Variants in EDRF1 observed in about 807,000 individuals in gnomAD.
EDRF1 encodes the protein erythroid differentiation regulatory factor 1, also known as erythroid differentiation-related factor 1.
Under a neutral mutation model 148.7 loss-of-function variants are expected in EDRF1, and 69 were observed. The observed-to-expected ratio is 0.46, with a 90% CI of 0.38 to 0.57. EDRF1 has a LOEUF of 0.57. Among genes scored for constraint, EDRF1 ranks in the 20% least tolerant of loss-of-function variants. EDRF1 has a pLI of 0.00. For missense variants in EDRF1, 1,118 were observed against 1,478.7 expected (o/e 0.76, Z 4.00); for synonymous variants, 515 against 532.8 (o/e 0.97, Z 0.46).
chr10:125,757,607 T>C (rs1483915110), intron 24 of EDRF1, among the ~76,000 whole-genome samples: 2 of 152,252 alleles, frequency 1.3e-5, no homozygotes, highest in African/African-American at 4.8e-5. Flanking sequence ...TTTTAGCATT[T>C]AGCATTTGTA....
intron 17 of EDRF1, chr10:125,742,501 C>G (rs1402231611): frequency 2.0e-6 from 2 of 985,246 alleles, no homozygotes; most frequent in Admixed American, 1.2e-4. Context: ...AATAGTTTTG[C>G]CCTTTCTTCC....
chr10:125,738,814 C>G (rs998646036), intron 15 of EDRF1, among the ~76,000 whole-genome samples: 2 of 152,110 alleles, frequency 1.3e-5, no homozygotes, highest in Non-Finnish European at 2.9e-5. Flanking sequence ...CACTTTTTAT[C>G]TCTTTCAAAA....
intron 21 of EDRF1, chr10:125,748,489 C>T (rs749828955): frequency 3.7e-5 from 7 of 191,060 alleles, no homozygotes; most frequent in Admixed American, 1.6e-4. Flanking sequence ...AATCTGAGGC[C>T]GAGGATAAAG....
chr10:125,734,741 A>G (rs1355077990), intron 12 of EDRF1, among the ~76,000 whole-genome samples: 2 of 152,170 alleles, frequency 1.3e-5, no homozygotes, highest in Non-Finnish European at 2.9e-5. Context: ...AGCATCTCTT[A>G]AAATATTCCC....
chr10:125,725,548 G>C lies in EDRF1; in HGVS notation c.635+106G>C. The C allele has an allele frequency of 1.9e-6, 3 of 1,564,852 alleles. No individual in the cohort carries two copies. In the South Asian group the frequency reaches 3.4e-5, roughly 18 times the overall value. On this transcript the variant is annotated intron_variant, in intron 5 of 24. Transcript: ENST00000356792. The stretch of plus-strand genomic sequence containing the variant: ...ATTTAAGTTTTGCCCCTGTGATACT[G>C]TTAACATTTGTTTCATATTTCTTTT...
intron 9 of EDRF1, among the ~76,000 whole-genome samples, chr10:125,730,637 T>C (rs1303673004): frequency 3.3e-5 from 5 of 152,250 alleles, no homozygotes; most frequent in Non-Finnish European, 7.3e-5. Context: ...CCTGCATTTG[T>C]AGCCATAGAA....
In EDRF1 at chr10:125,730,418, T is replaced by C; in HGVS notation, c.1128+19T>C. On this transcript the variant is annotated intron_variant, in intron 9 of 24. Coordinates refer to ENST00000356792, the MANE Select transcript of EDRF1 (RefSeq NM_001202438.2). Reference sequence around the variant, plus strand: ...TGTACAGGTAAGATACAGTGTGATTTTTCTGATCTCTCAAATGCAAATTGG... The same window carrying C: ...TGTACAGGTAAGATACAGTGTGATTCTTCTGATCTCTCAAATGCAAATTGG... 1 of 1,590,230 alleles carries C rather than the reference T, an allele frequency of 6.3e-7. No homozygotes were observed. The highest frequency in any genetic ancestry group is 8.6e-7 in the Non-Finnish European group (1 of 1,158,328).
intron 14 of EDRF1, 92 bp from the exon 15 acceptor site, chr10:125,738,203 A>G: frequency 6.6e-7 from 1 of 1,520,608 alleles, no homozygotes; most frequent in Non-Finnish European, 9.1e-7. Context: ...AAATTTTCCT[A>G]AACGTATTCA....
At chr10:125,754,535 C>A (rs1394629376) in intron 24 of EDRF1, among the ~76,000 whole-genome samples, 2 of 152,164 alleles carry the variant, frequency 1.3e-5, no homozygotes, top group African/African-American at 2.4e-5. Flanking sequence ...AAGTGCACTG[C>A]AGAATAGAGG....
In EDRF1 at chr10:125,747,344, A is replaced by G. The variant is rs549607965; in HGVS notation, c.2815-192A>G. 2.1e-5 allele frequency: 14 copies of G among 669,476 alleles called. No individual in the cohort carries two copies. In the East Asian group the frequency reaches 4.0e-4, roughly 19 times the overall value. 41.5% of individuals were successfully genotyped at this position (669,476 alleles called of 1,614,324 possible). On this transcript the variant is annotated intron_variant, in intron 19 of 24. Coordinates refer to ENST00000356792, the MANE Select transcript of EDRF1 (RefSeq NM_001202438.2). Reference sequence around the variant, plus strand: ...GGGAACACAGAGTGGTCTTCAGTCTACTCGGAATAACTTTCTTCATTGAAA... The same window carrying G: ...GGGAACACAGAGTGGTCTTCAGTCTGCTCGGAATAACTTTCTTCATTGAAA...
chr10:125,743,339 A>T, intron 18 of EDRF1, 63 bp downstream of exon 18: 3 of 1,404,814 alleles, frequency 2.1e-6, no homozygotes, highest in Non-Finnish European at 3.0e-6. Context: ...CTAATTTTGT[A>T]TGAGTCAAGC....
chr10:125,726,678 T>C (rs1396633983), intron 6 of EDRF1, among the ~76,000 whole-genome samples: 3 of 152,206 alleles, frequency 2.0e-5, no homozygotes, highest in Non-Finnish European at 4.4e-5. Flanking sequence ...TAACTCGATT[T>C]TAGTTTCAGT....
At chr10:125,757,891 G>T (rs974613628) in intron 24 of EDRF1, among the ~76,000 whole-genome samples, 1 of 152,166 alleles carries the variant, frequency 6.6e-6, no homozygotes. Context: ...TGAGTGTGTC[G>T]TGATGGCTTT....
intron 18 of EDRF1, among the ~76,000 whole-genome samples, chr10:125,744,547 G>A (rs916150929): frequency 2.6e-5 from 4 of 152,306 alleles, no homozygotes; most frequent in South Asian, 4.1e-4. Flanking sequence ...CCCTCAAAGA[G>A]TTCATTGCTA....
rs146133784 is a variant in EDRF1 at position 125,748,228 on chromosome 10, C to T, written c.3123+216C>T. On this transcript the variant is annotated intron_variant, in intron 21 of 24. Coordinates refer to ENST00000356792, the MANE Select transcript of EDRF1 (RefSeq NM_001202438.2). ...CATGTTGAGCATGGGAAAACGAATC[C>T]GCTGTTGGTGTTCTGTGGCTTACTG... 7.3e-4 allele frequency: 448 copies of T among 615,112 alleles called. 2 individuals are homozygous for T. In the East Asian group the frequency reaches 9.1e-3, roughly 12 times the overall value. The allele number at this position is 615,112 out of a possible 1,614,324, so 38.1% of individuals were successfully genotyped here.
At chr10:125,737,668 T>C (rs892529990) in intron 13 of EDRF1, among the ~76,000 whole-genome samples, 13 of 152,222 alleles carry the variant, frequency 8.5e-5, no homozygotes, top group Non-Finnish European at 1.9e-4. Flanking sequence ...TCGGTGCTAA[T>C]TATGAGTGGA....
In EDRF1 at chr10:125,759,446, C is replaced by T. The variant is rs538517440; in HGVS notation, c.3546-3855C>T. On this transcript the variant is annotated intron_variant, in intron 24 of 24. Coordinates refer to ENST00000356792, the MANE Select transcript of EDRF1 (RefSeq NM_001202438.2). ...GCCAGAGACTTTTTCCGGTTCTGCA[C>T]CATGAATAGAAACTTCTTTCAATAA... 4.6e-4 allele frequency among the ~76,000 whole-genome samples: 70 copies of T among 152,146 alleles called. 1 individual carries two copies. Among genetic ancestry groups the T allele is most frequent in the African/African-American group, 1.7e-3 (69 of 41,518 alleles).
At chr10:125,726,428 A>G (rs917970803) in intron 6 of EDRF1, among the ~76,000 whole-genome samples, 3 of 152,182 alleles carry the variant, frequency 2.0e-5, no homozygotes, top group African/African-American at 7.2e-5. Context: ...TATCTCTTAC[A>G]TCCTTGTTTC....
Position 125,719,834 on chromosome 10 carries a change from CG to C in EDRF1, c.28del (p.Glu10ArgfsTer38). 1 of 1,611,994 alleles carries C rather than the reference CG, an allele frequency of 6.2e-7. No homozygotes were observed. Among genetic ancestry groups the C allele is most frequent in the Non-Finnish European group, 8.5e-7 (1 of 1,179,500 alleles). On this transcript the variant is annotated frameshift_variant, in exon 1 of 25. Transcript: ENST00000356792. LOFTEE classifies it high-confidence loss of function. Reference protein sequence around the residue: MGDAKEAGAEGPPAGAAARG... With the variant: MGDAKEAGAXGPPAGAAARG... ...TGGGGGATGCCAAGGAGGCCGGAGC[CG>C]AGGGTCCGCCGGCCGGGGCCGCCGC...
Sources: allele counts gnomAD v4.1 joint callset (sites outside exome capture counted in the v4.1 genomes callset), GRCh38; gene constraint gnomAD v4.1.1; transcripts MANE v1.5; gene names NCBI Gene and HGNC (gene_info 2026-07-23, HGNC 2026-07-21).